Variants in NCF4 observed in about 807,000 individuals in gnomAD.
The protein encoded by NCF4 is neutrophil cytosolic factor 4, also known as neutrophil cytosol factor 4.
Under a neutral mutation model 41.7 loss-of-function variants are expected in NCF4, and 30 were observed. The observed-to-expected ratio is 0.72, with a 90% CI of 0.54 to 0.97. The LOEUF (loss-of-function observed/expected upper bound fraction) is 0.97, where lower values mean the gene tolerates loss of function less well. NCF4 is among the 50% of genes least tolerant of loss of function. The pLI is 0.00. For synonymous variants in NCF4, 195 were observed against 175.8 expected (o/e 1.11, Z -0.87); for missense variants, 432 against 460.9 (o/e 0.94, Z 0.57).
At chr22:36,876,007 C>CT in intron 8 of NCF4, 22 bp from the exon 9 acceptor site, 1 of 1,613,530 alleles carries the variant, frequency 6.2e-7, no homozygotes, top group Non-Finnish European at 8.5e-7. Context: ...TGCCTCCTTA[C>CT]TCCAGCCTGT....
At chr22:36,867,324 AG>A in intron 3 of NCF4, 67 bp from the exon 4 acceptor site, 1 of 1,550,800 alleles carries the variant, frequency 6.4e-7, no homozygotes, top group African/African-American at 1.4e-5. Flanking sequence ...CCTGGCCTGT[AG>A]GGGCAGCCCT....
chr22:36,867,221 A>T (rs928952925), intron 3 of NCF4, among the ~76,000 whole-genome samples, 171 bp from the exon 4 acceptor site: 1 of 152,092 alleles, frequency 6.6e-6, no homozygotes, highest in Non-Finnish European at 1.5e-5. Context: ...TGAGAGGATG[A>T]AAGTTGGATG....
intron 1 of NCF4, 46 bp downstream of exon 1, chr22:36,861,249 C>T: frequency 1.9e-6 from 3 of 1,548,250 alleles, no homozygotes; most frequent in Non-Finnish European, 1.7e-6. Flanking sequence ...CACTGCTCCT[C>T]ATAGGCCTTA....
Position 36,867,478 on chromosome 22 carries a change from G to A in NCF4, c.342+16G>A, listed in dbSNP as rs769933291. On this transcript the variant is annotated intron_variant, in intron 4 of 9. Coordinates refer to ENST00000248899, the MANE Select transcript of NCF4 (RefSeq NM_000631.5). ...CTACATGAAGGTACCAGTGGGCCTT[G>A]CCACCTTGGCACGTGGAAGGGCATG... The A allele has an allele frequency of 1.4e-5, 23 of 1,613,822 alleles. No individual in the cohort carries two copies. In the Admixed American group the frequency reaches 3.8e-4, roughly 27 times the overall value.
intron 3 of NCF4, among the ~76,000 whole-genome samples, chr22:36,866,128 G>A (rs560562224): frequency 6.6e-6 from 1 of 152,222 alleles, no homozygotes; most frequent in African/African-American, 2.4e-5. Context: ...AAGCCTCCCT[G>A]AGCCTCCGTG....
rs1160758215 is a variant in NCF4 at position 36,870,481 on chromosome 22, C to T, written c.409C>T (p.Pro137Ser). ...EDVRIFFYQS[P>S]YDSEQVPQAL... ...CGTCCGGATCTTCTTTTACCAGTCG[C>T]CCTATGACTCAGAGCAGGTGCCCCA... The change falls in exon 5 of 10, where the codon CCC becomes TCC. Residue 137 changes from proline (P) to serine (S), a missense_variant. By Grantham distance (74) the Pro-to-Ser change is moderately conservative (BLOSUM62 -1). Transcript: ENST00000248899. The T allele has an allele frequency of 6.8e-6, 11 of 1,613,790 alleles. No homozygotes were observed. The highest frequency in any genetic ancestry group is 8.5e-6 in the Non-Finnish European group (10 of 1,180,040).
In NCF4 at chr22:36,861,063, A is replaced by T; in HGVS notation, c.-109A>T. On this transcript the variant is annotated 5_prime_UTR_variant, in exon 1 of 10. Coordinates refer to ENST00000248899, the MANE Select transcript of NCF4 (RefSeq NM_000631.5). ...AAGGCAGCTCCTGGGGACTCCCAGGACCACAGGCTGAGACGAGACGCAGGG... is the reference window on the plus strand; with the variant it reads ...AAGGCAGCTCCTGGGGACTCCCAGGTCCACAGGCTGAGACGAGACGCAGGG... 6.9e-7 allele frequency: 1 copy of T among 1,452,670 alleles called. No homozygotes were observed. Among genetic ancestry groups the T allele is most frequent in the Admixed American group, 2.0e-5 (1 of 50,850 alleles). The allele number at this position is 1,452,670 out of a possible 1,614,324, so 90.0% of individuals were successfully genotyped here. A position where few individuals can be genotyped will look rare whatever the true frequency, so the allele number is the denominator to read the frequency against.
chr22:36,864,810 C>A (rs1939883469), intron 2 of NCF4, 109 bp from the exon 3 acceptor site: 4 of 1,384,718 alleles, frequency 2.9e-6, no homozygotes, highest in African/African-American at 1.4e-5. Flanking sequence ...CCTTCTGCAT[C>A]CTTATCCTCA....
At chr22:36,868,468 C>T (rs916442111) in intron 4 of NCF4, among the ~76,000 whole-genome samples, 1 of 152,162 alleles carries the variant, frequency 6.6e-6, no homozygotes, top group Non-Finnish European at 1.5e-5. Context: ...GATCTTGACT[C>T]CTGATGGAGG....
chr22:36,861,985 G>C (rs1414313795), intron 1 of NCF4, among the ~76,000 whole-genome samples: 1 of 152,274 alleles, frequency 6.6e-6, no homozygotes, highest in African/African-American at 2.4e-5. Flanking sequence ...GGGAGGATAA[G>C]AGACTTACTC....
Position 36,877,944 on chromosome 22 carries a change from C to T in NCF4, c.*121C>T. The T allele has an allele frequency of 1.1e-6, 1 of 946,670 alleles. No individual in the cohort carries two copies. Among genetic ancestry groups the T allele is most frequent in the Middle Eastern group, 2.7e-4 (1 of 3,734 alleles). The allele number at this position is 946,670 out of a possible 1,614,324, so 58.6% of individuals were successfully genotyped here. On this transcript the variant is annotated 3_prime_UTR_variant, in exon 10 of 10. Transcript: ENST00000248899. Reference sequence around the variant, plus strand: ...CTTCCTGTCTTTGAGGCTAATGGACCCGTGGGGCTTGTAATCTGTCTCTTT... The same window carrying T: ...CTTCCTGTCTTTGAGGCTAATGGACTCGTGGGGCTTGTAATCTGTCTCTTT...
intron 2 of NCF4, 31 bp downstream of exon 2, chr22:36,864,160 A>C (rs530728071): frequency 1.0e-5 from 16 of 1,553,158 alleles, no homozygotes; most frequent in Non-Finnish European, 1.4e-5. Context: ...TTCACCCAAC[A>C]ACCTCTGAAC....
chr22:36,877,537 T>G (rs1940218920), intron 9 of NCF4, 91 bp from the exon 10 acceptor site: 1 of 1,365,544 alleles, frequency 7.3e-7, no homozygotes, highest in African/African-American at 1.4e-5. Flanking sequence ...TTCTTACTCC[T>G]GGCTTCAGGA....
At chr22:36,873,081 TG>T (rs2145722729) in intron 7 of NCF4, among the ~76,000 whole-genome samples, 1 of 148,876 alleles carries the variant, frequency 6.7e-6, no homozygotes, top group African/African-American at 2.5e-5. Flanking sequence ...GAGGTGAGGA[TG>T]GAGGTGAGAT....
chr22:36,866,340 C>T (rs566504781), intron 3 of NCF4, among the ~76,000 whole-genome samples: 2 of 152,240 alleles, frequency 1.3e-5, no homozygotes, highest in South Asian at 2.1e-4. Context: ...CTTCACACCC[C>T]CACTCCTTCC....
intron 7 of NCF4, among the ~76,000 whole-genome samples, chr22:36,872,899 A>G (rs1046316520): frequency 2.4e-4 from 23 of 93,944 alleles, no homozygotes; most frequent in East Asian, 4.1e-4. Context: ...TGGAGGTGAG[A>G]TTGGAGGTGA....
intron 1 of NCF4, 101 bp downstream of exon 1, chr22:36,861,304 G>T: frequency 7.0e-7 from 1 of 1,431,868 alleles, no homozygotes. Flanking sequence ...AACATGAGAG[G>T]CTGGGGTTGA....
chr22:36,861,016 G>A lies in NCF4; in HGVS notation c.-156G>A. ...GGAGGAGCCTCTGCCAGACTGGAGAGAAGCAGGCCTGAGCCTCCCCAAAGG... is the reference window on the plus strand; with the variant it reads ...GGAGGAGCCTCTGCCAGACTGGAGAAAAGCAGGCCTGAGCCTCCCCAAAGG... On this transcript the variant is annotated 5_prime_UTR_variant, in exon 1 of 10. Coordinates refer to ENST00000248899, the MANE Select transcript of NCF4 (RefSeq NM_000631.5). 1.0e-6 allele frequency: 1 copy of A among 959,028 alleles called. No homozygotes were observed. The highest frequency in any genetic ancestry group is 1.6e-6 in the Non-Finnish European group (1 of 609,892). 59.4% of individuals were successfully genotyped at this position (959,028 alleles called of 1,614,324 possible). A position where few individuals can be genotyped will look rare whatever the true frequency, so the allele number is the denominator to read the frequency against.
intron 9 of NCF4, among the ~76,000 whole-genome samples, chr22:36,877,091 G>GA (rs1428745342): frequency 6.6e-6 from 1 of 151,610 alleles, no homozygotes; most frequent in Non-Finnish European, 1.5e-5. Flanking sequence ...ATTTATACAC[G>GA]AGACATTTCA....
Sources: allele counts gnomAD v4.1 joint callset (sites outside exome capture counted in the v4.1 genomes callset), GRCh38; gene constraint gnomAD v4.1.1; transcripts MANE v1.5; gene names NCBI Gene and HGNC (gene_info 2026-07-23, HGNC 2026-07-21).